FADS2: variants seen among roughly 807,000 people sequenced by gnomAD.
FADS2 encodes acyl-CoA 6-desaturase.
In FADS2, 18 loss-of-function variants were observed where a neutral mutation model predicts 61.2. That is an observed-to-expected ratio of 0.29 (90% CI 0.20 to 0.44). The LOEUF is 0.44. FADS2 is among the 20% of genes least tolerant of loss of function. FADS2 has a pLI of 1.00. For missense variants in FADS2, 322 were observed against 572.7 expected (o/e 0.56, Z 4.47); for synonymous variants, 203 against 223.9 (o/e 0.91, Z 0.83).
chr11:61,852,134 G>C (rs1457633369), intron 5 of FADS2, among the ~76,000 whole-genome samples: 1 of 152,148 alleles, frequency 6.6e-6, no homozygotes, highest in Non-Finnish European at 1.5e-5. Flanking sequence ...GGGCTGGGCT[G>C]TCTGTCCTCT....
chr11:61,858,717 C>A (rs1412202057), intron 7 of FADS2, among the ~76,000 whole-genome samples: 1 of 151,728 alleles, frequency 6.6e-6, no homozygotes, highest in Non-Finnish European at 1.5e-5. Flanking sequence ...TCCTGAGTAG[C>A]TGGGAGTACA....
intron 1 of FADS2, among the ~76,000 whole-genome samples, chr11:61,823,292 A>C (rs2067047422): frequency 2.0e-5 from 3 of 152,204 alleles, no homozygotes; most frequent in Admixed American, 2.0e-4. Flanking sequence ...TAGAATGGAA[A>C]GAATAAGGAT....
chr11:61,826,692 T>C (rs174569), upstream of FADS2, among the ~76,000 whole-genome samples: 5,029 of 152,236 alleles, frequency 0.033, 332 homozygotes, highest in Admixed American at 0.16. Flanking sequence ...GTCTGCAGTC[T>C]GTGGAGTGAA....
chr11:61,850,115 C>A lies in FADS2; in HGVS notation c.744+1831C>A, dbSNP rs371210004. ...CTGCGAATGTGGATGCCCTTCCCCC[C>A]CAGTTCATGTAGACAGGTCTCGTCT... On this transcript the variant is annotated intron_variant, in intron 5 of 11. Coordinates refer to ENST00000278840, the MANE Select transcript of FADS2 (RefSeq NM_004265.4). Among the ~76,000 whole-genome samples the A allele has an allele frequency of 1.3e-4, 20 of 152,312 alleles. No homozygotes were observed. The East Asian group carries it at 1.3e-3, about 10-fold the overall frequency.
rs1421262596 is a variant in FADS2 at position 61,866,974 on chromosome 11, G to C, written c.*1285G>C. 6.5e-6 allele frequency: 1 copy of C among 152,862 alleles called. No individual in the cohort carries two copies. Among genetic ancestry groups the C allele is most frequent in the Non-Finnish European group, 1.5e-5 (1 of 68,392 alleles). 9.5% of individuals were successfully genotyped at this position (152,862 alleles called of 1,614,324 possible). A position where few individuals can be genotyped will look rare whatever the true frequency, so the allele number is the denominator to read the frequency against. On this transcript the variant is annotated 3_prime_UTR_variant, in exon 12 of 12. Transcript: ENST00000278840. ...ATGAGGACCAGGGTGGAGCTGAGAA[G>C]AGGAGGAGGTGGGGGCTGGAGGTGC...
At chr11:61,856,626 C>G (rs1257141547) in intron 5 of FADS2, 1 of 200,668 alleles carries the variant, frequency 5.0e-6, no homozygotes, top group East Asian at 1.2e-4. Context: ...ATTCATTCAA[C>G]AAACATTTGT....
Position 61,863,719 on chromosome 11 carries a change from T to A in FADS2, c.1090T>A (p.Cys364Ser). 1 of 1,614,070 alleles carries A rather than the reference T, an allele frequency of 6.2e-7. No homozygotes were observed. The highest frequency in any genetic ancestry group is 8.5e-7 in the Non-Finnish European group (1 of 1,179,894). ...CCTCCACTGACAGCTGACAGCCACC[T>A]GCAACGTGGAGCAGTCCTTCTTCAA... The part of the protein sequence containing the change: ...DWFSSQLTAT[C>S]NVEQSFFNDW... The change falls in exon 10 of 12, where the codon TGC (cysteine) becomes AGC (serine). Residue 364 changes from cysteine (C) to serine (S), a missense_variant. Physicochemically the swap from Cys to Ser is moderately radical, Grantham distance 112 (BLOSUM62 -1). Around this residue, in one of 3 missense-constraint regions of FADS2, gnomAD observed 221 missense variants for 427.9 expected, o/e 0.52. Transcript: ENST00000278840.
At chr11:61,826,082 C>A (rs1436196326), upstream of FADS2, 1 of 702,622 alleles carries the variant, frequency 1.4e-6, no homozygotes, top group Non-Finnish European at 2.6e-6. Flanking sequence ...TATCTTTCTA[C>A]ACCATGGATC....
At chr11:61,823,488 G>A (rs1189990355), upstream of FADS2, among the ~76,000 whole-genome samples, 1 of 152,050 alleles carries the variant, frequency 6.6e-6, no homozygotes, top group Non-Finnish European at 1.5e-5. Context: ...TTTTATCAAT[G>A]TCCACCTAGA....
At chr11:61,845,030 CTTTTTTTTTTT>C (rs71046747) in intron 4 of FADS2, among the ~76,000 whole-genome samples, 16 of 44,156 alleles carry the variant, frequency 3.6e-4, no homozygotes, top group Admixed American at 7.6e-4. Context: ...CAGAAGTGCA[CTTTTTTTTTTT>C]TTTTTTTTTT....
At chr11:61,831,146 A>T (rs1053901010) in intron 1 of FADS2, among the ~76,000 whole-genome samples, 37 of 152,108 alleles carry the variant, frequency 2.4e-4, no homozygotes, top group African/African-American at 8.9e-4. Flanking sequence ...GGCCTTGAGC[A>T]GCGTGGGGTG....
chr11:61,865,016 C>T lies in FADS2; in HGVS notation c.1158-136C>T. The T allele has an allele frequency of 9.4e-7, 1 of 1,063,070 alleles. No individual in the cohort carries two copies. Among genetic ancestry groups the T allele is most frequent in the Non-Finnish European group, 1.4e-6 (1 of 734,396 alleles). The allele number at this position is 1,063,070 out of a possible 1,614,324, so 65.9% of individuals were successfully genotyped here. On this transcript the variant is annotated intron_variant, in intron 10 of 11. Transcript: ENST00000278840. This position sits in a 1 kb window ranked among gnomAD's most constrained non-coding sequence, Gnocchi z 4.1. Reference sequence around the variant, plus strand: ...ACCCCACTGGGCACACACGAGGAGCCACACTTTGAGACTGGTCCTGGCTGT... The same window carrying T: ...ACCCCACTGGGCACACACGAGGAGCTACACTTTGAGACTGGTCCTGGCTGT...
At chr11:61,848,132 C>T in intron 4 of FADS2, 27 bp from the exon 5 acceptor site, 1 of 1,613,922 alleles carries the variant, frequency 6.2e-7, no homozygotes. Context: ...GCTTGCATGG[C>T]TCATCCCCAC....
At chr11:61,861,755 C>G (rs992239486) in intron 7 of FADS2, among the ~76,000 whole-genome samples, 10 of 152,242 alleles carry the variant, frequency 6.6e-5, no homozygotes, top group Non-Finnish European at 1.3e-4. Context: ...GACCCCTGAT[C>G]ACCTAGGACC....
chr11:61,820,903 A>G (rs916823790), intron 1 of FADS2, among the ~76,000 whole-genome samples: 6 of 152,142 alleles, frequency 3.9e-5, no homozygotes, highest in Admixed American at 3.3e-4. Flanking sequence ...CTGTCTCTAA[A>G]TAAATAAATA....
chr11:61,818,553 C>T (rs1236083820), intron 1 of FADS2, among the ~76,000 whole-genome samples: 3 of 152,216 alleles, frequency 2.0e-5, no homozygotes, highest in African/African-American at 7.2e-5. Context: ...CGAGTCCTGA[C>T]AATAAGAAAA....
chr11:61,846,764 C>T (rs1231505241), intron 4 of FADS2: 1 of 152,020 alleles, frequency 6.6e-6, no homozygotes, highest in African/African-American at 2.4e-5. Flanking sequence ...AAGAAATATC[C>T]ATGTTATGTG....
rs566070860 is a variant in FADS2, at chr11:61,865,018, C to T, written c.1158-134C>T. On this transcript the variant is annotated intron_variant, in intron 10 of 11. Transcript: ENST00000278840. This position sits in a 1 kb window ranked among gnomAD's most constrained non-coding sequence, Gnocchi z 4.1. ...CCCACTGGGCACACACGAGGAGCCA[C>T]ACTTTGAGACTGGTCCTGGCTGTGG... The T allele has an allele frequency of 3.8e-4, 410 of 1,079,542 alleles. 5 individuals carry two copies. In the South Asian group the frequency reaches 5.8e-3, roughly 15 times the overall value. 66.9% of individuals were successfully genotyped at this position (1,079,542 alleles called of 1,614,324 possible).
At position 61,828,829 on chromosome 11, in the gene FADS2, T is replaced by G; in HGVS notation, c.207+232T>G. On this transcript the variant is annotated intron_variant, in intron 1 of 11. Transcript: ENST00000278840. This position sits in a 1 kb window ranked among gnomAD's most constrained non-coding sequence, Gnocchi z 6.4. ...CGGGGAGGCGGCGCTGCGGTGAAAG[T>G]CCCAGCGGTGGAGAACAGGGCAAGC... 1 of 534,962 alleles carries G rather than the reference T, an allele frequency of 1.9e-6. No homozygotes were observed. The highest frequency in any genetic ancestry group is 3.3e-6 in the Non-Finnish European group (1 of 299,670). 33.1% of individuals were successfully genotyped at this position (534,962 alleles called of 1,614,324 possible).
Sources: gnomAD v4.1 joint callset for allele counts (sites outside exome capture counted in the v4.1 genomes callset) on GRCh38, gnomAD v4.1.1 for gene constraint, gnomAD v4.1.1 regional missense constraint, Gnocchi (gnomAD v3.1) non-coding constraint, MANE v1.5 for transcripts, NCBI Gene and HGNC (gene_info 2026-07-23, HGNC 2026-07-21) for gene names.